The following SEMA3A variants were observed in gnomAD, a reference collection of about 807,000 sequenced individuals.
SEMA3A encodes semaphorin 3A.
Under a neutral mutation model 97.9 loss-of-function variants are expected in SEMA3A, and 29 were observed. The ratio of observed to expected loss-of-function variants is 0.30; its 90% CI spans 0.22 to 0.40. The LOEUF (loss-of-function observed/expected upper bound fraction) is 0.40, where lower values mean the gene tolerates loss of function less well. Among genes scored for constraint, SEMA3A ranks in the 10% least tolerant of loss-of-function variants. The pLI is 1.00. For synonymous variants in SEMA3A, 321 were observed against 323.7 expected (o/e 0.99, Z 0.09); for missense variants, 763 against 951.3 (o/e 0.80, Z 2.60).
chr7:83,996,082 CTTG>C (rs768929594), intron 12 of SEMA3A, among the ~76,000 whole-genome samples: 3 of 152,130 alleles, frequency 2.0e-5, no homozygotes, highest in Non-Finnish European at 4.4e-5. Context: ...AGCACTGCAA[CTTG>C]TTGTAGCATT....
At chr7:84,447,176 C>T (rs1420780074) in intron 1 of SEMA3A, among the ~76,000 whole-genome samples, 1 of 152,184 alleles carries the variant, frequency 6.6e-6, no homozygotes, top group Non-Finnish European at 1.5e-5. Flanking sequence ...CTTCGATGCC[C>T]TCTGGTCTTT....
intron 3 of SEMA3A, among the ~76,000 whole-genome samples, chr7:84,272,185 G>T (rs369144445): frequency 6.6e-6 from 1 of 151,936 alleles, no homozygotes; most frequent in East Asian, 1.9e-4. Flanking sequence ...ATAATTAATT[G>T]CAGGAAAAGA....
intron 1 of SEMA3A, among the ~76,000 whole-genome samples, chr7:84,383,900 T>C (rs1341331784): frequency 1.3e-5 from 2 of 152,202 alleles, no homozygotes; most frequent in South Asian, 2.1e-4. Context: ...TTTGTAAGCA[T>C]TTAATATTAG....
At chr7:84,333,505 T>A (rs1396517541) in intron 2 of SEMA3A, among the ~76,000 whole-genome samples, 1 of 152,098 alleles carries the variant, frequency 6.6e-6, no homozygotes, top group East Asian at 1.9e-4. Flanking sequence ...TGACTTTAGT[T>A]AATAGAATGA....
intron 2 of SEMA3A, among the ~76,000 whole-genome samples, chr7:84,328,299 A>G (rs899921635): frequency 6.6e-6 from 1 of 152,018 alleles, no homozygotes; most frequent in Non-Finnish European, 1.5e-5. Context: ...TTGCATTGCC[A>G]CAATACCATT....
In SEMA3A at chr7:84,442,383, G is replaced by C. The variant is rs928434782; in HGVS notation, c.-246+50077C>G. Among the ~76,000 whole-genome samples, 3 of 152,054 alleles carry C rather than the reference G, an allele frequency of 2.0e-5. No homozygotes were observed. The South Asian group carries it at 6.2e-4, about 31-fold the overall frequency. ...AGAGTTTGTATTTTATTGAAGTTAT[G>C]CTGGTGTAAATTCAAATTGAAGTGC... is the stretch of plus-strand genomic sequence containing the variant. On this transcript the variant is annotated intron_variant, in intron 1 of 3. Coordinates refer to the SEMA3A transcript ENST00000424555.
At chr7:83,991,266 C>T (rs186928838) in intron 12 of SEMA3A, among the ~76,000 whole-genome samples, 1 of 152,068 alleles carries the variant, frequency 6.6e-6, no homozygotes, top group South Asian at 2.1e-4. Flanking sequence ...CGTCTGCAAA[C>T]AGGGACAATT....
intron 1 of SEMA3A, among the ~76,000 whole-genome samples, chr7:84,178,235 C>T (rs1797632776): frequency 6.6e-6 from 1 of 152,104 alleles, no homozygotes. Flanking sequence ...GTAAATAAGG[C>T]CTCTTTTGCT....
chr7:84,353,283 G>A (rs1442032115), intron 2 of SEMA3A, among the ~76,000 whole-genome samples: 1 of 151,552 alleles, frequency 6.6e-6, no homozygotes, highest in African/African-American at 2.4e-5. Flanking sequence ...CAGAACCCAT[G>A]GATATGGAGG....
chr7:84,097,455 TA>T (rs1794809797), intron 4 of SEMA3A, among the ~76,000 whole-genome samples: 1 of 152,080 alleles, frequency 6.6e-6, no homozygotes, highest in East Asian at 1.9e-4. Flanking sequence ...GAGACTGGTT[TA>T]ATGTCATTTC....
intron 2 of SEMA3A, among the ~76,000 whole-genome samples, chr7:84,341,649 C>A (rs1802174537): frequency 6.6e-6 from 1 of 152,110 alleles, no homozygotes; most frequent in Non-Finnish European, 1.5e-5. Flanking sequence ...CAGTATCTAT[C>A]TAAGCCTTCA....
intron 1 of SEMA3A, among the ~76,000 whole-genome samples, chr7:84,480,390 T>A (rs1806414775): frequency 6.6e-6 from 1 of 152,206 alleles, no homozygotes; most frequent in Admixed American, 6.5e-5. Flanking sequence ...AAGTAAATTT[T>A]AAAACTGCTC....
At chr7:84,314,737 T>C (rs1374782851) in intron 2 of SEMA3A, among the ~76,000 whole-genome samples, 1 of 152,198 alleles carries the variant, frequency 6.6e-6, no homozygotes, top group East Asian at 1.9e-4. Flanking sequence ...GAGACAATAG[T>C]CACTTTTGCT....
chr7:84,028,693 C>T (rs1791631268), intron 6 of SEMA3A, among the ~76,000 whole-genome samples: 1 of 152,196 alleles, frequency 6.6e-6, no homozygotes, highest in South Asian at 2.1e-4. Flanking sequence ...AAACCTCTGC[C>T]ACCTGGGTTC....
intron 3 of SEMA3A, among the ~76,000 whole-genome samples, chr7:84,306,196 T>A (rs1248868918): frequency 6.6e-6 from 1 of 151,868 alleles, no homozygotes; most frequent in African/African-American, 2.4e-5. Context: ...AAATGATATT[T>A]CCATGTAGCA....
intron 3 of SEMA3A, among the ~76,000 whole-genome samples, chr7:84,240,775 G>T (rs967775678): frequency 1.3e-5 from 2 of 152,076 alleles, no homozygotes; most frequent in African/African-American, 4.8e-5. Context: ...CGCCTGACAG[G>T]CCCCTGTGTG....
At chr7:84,448,765 TG>T (rs1805488491) in intron 1 of SEMA3A, among the ~76,000 whole-genome samples, 1 of 151,926 alleles carries the variant, frequency 6.6e-6, no homozygotes, top group African/African-American at 2.4e-5. Context: ...CCGTGCAATT[TG>T]TTTGAAAATT....
intron 1 of SEMA3A, among the ~76,000 whole-genome samples, chr7:84,411,435 T>G (rs1038032678): frequency 6.6e-6 from 1 of 152,088 alleles, no homozygotes; most frequent in South Asian, 2.1e-4. Context: ...ATTGATTCTA[T>G]GTCCTGTTAC....
intron 2 of SEMA3A, among the ~76,000 whole-genome samples, chr7:84,362,761 T>C (rs1251889299): frequency 2.0e-5 from 3 of 151,954 alleles, no homozygotes; most frequent in African/African-American, 4.8e-5. Context: ...TAAGGATGTA[T>C]GTAAGAGTAT....
Sources: gnomAD v4.1 joint callset for allele counts (sites outside exome capture counted in the v4.1 genomes callset) on GRCh38, gnomAD v4.1.1 for gene constraint, MANE v1.5 for transcripts, NCBI Gene and HGNC (gene_info 2026-07-23, HGNC 2026-07-21) for gene names.